The following CYP11B1 variants were observed in gnomAD, a reference collection of about 807,000 sequenced individuals.
The protein encoded by CYP11B1 is cytochrome P450 family 11 subfamily B member 1.
CYP11B1 carries 34 observed loss-of-function variants against 48.3 expected under a neutral mutation model. The ratio of observed to expected loss-of-function variants is 0.70; its 90% CI spans 0.54 to 0.94. The LOEUF (loss-of-function observed/expected upper bound fraction) is 0.94, where lower values mean the gene tolerates loss of function less well. CYP11B1 is among the 40% of genes least tolerant of loss of function. The pLI, the probability that CYP11B1 is intolerant of heterozygous loss-of-function variation, is 0.00. For synonymous variants in CYP11B1, 291 were observed against 262.5 expected, an observed-to-expected ratio of 1.11 and a Z score of -1.05; for missense variants, 688 against 657.4, an observed-to-expected ratio of 1.05 and a Z score of -0.51.
Position 142,875,024 on chromosome 8 carries a change from C to T in CYP11B1, c.1331G>A (p.Gly444Asp), listed in dbSNP as rs779103938. ...CCCAAGGCACTGGCGCATGCCAAAG[C>T]CAAAGGGCACGTGGTAGAAGTTCCT... Reference protein sequence around the residue: ...SGRNFYHVPFGFGMRQCLGRR... With the variant: ...SGRNFYHVPFDFGMRQCLGRR... Residue 444 changes from glycine (G) to aspartate (D), a missense_variant, in exon 8 of 9, where the codon GGC becomes GAC. Gly to Asp is a moderately conservative substitution (Grantham distance 94). Transcript: ENST00000292427. The T allele has an allele frequency of 5.0e-6, 8 of 1,614,128 alleles. No homozygotes were observed. Among genetic ancestry groups the T allele is most frequent in the Non-Finnish European group, 5.1e-6 (6 of 1,180,064 alleles).
rs1372319123 is a variant in CYP11B1 at position 142,879,492 on chromosome 8, G to A, written c.239+83C>T. The A allele has an allele frequency of 2.5e-6, 4 of 1,613,962 alleles. No individual in the cohort carries two copies. In the South Asian group the frequency reaches 4.4e-5, roughly 18 times the overall value. ...CAGAGTGCCGGGACCTGCTGGGAAT[G>A]GCAGTGCTGAGTGCCCGGCAGGGTC... is the stretch of plus-strand genomic sequence containing the variant. On this transcript the variant is annotated intron_variant, in intron 1 of 8. Transcript: ENST00000292427.
rs1816947719 is a variant in CYP11B1 at position 142,876,313 on chromosome 8, C to T, written c.882G>A (p.Leu294=). Reference sequence around the variant, plus strand: ...CATCTGGCGACAGTTCCGCATTCAACAGGAGCTCCGCCACGATGCTGGTGT... The same window carrying T: ...CATCTGGCGACAGTTCCGCATTCAATAGGAGCTCCGCCACGATGCTGGTGT... ...QQYTSIVAEL[L]LNAELSPDAI... is the part of the protein sequence containing the mutation. The change falls in exon 5 of 9, where the codon CTG becomes CTA. Residue 294 remains leucine, a synonymous_variant. Coordinates refer to ENST00000292427, the MANE Select transcript of CYP11B1 (RefSeq NM_000497.4). The T allele has an allele frequency of 6.2e-7, 1 of 1,614,144 alleles. No homozygotes were observed. The highest frequency in any genetic ancestry group is 8.5e-7 in the Non-Finnish European group (1 of 1,180,052).
chr8:142,879,379 G>A (rs200318572), intron 1 of CYP11B1, 192 bp from the exon 2 acceptor site: 33 of 1,610,030 alleles, frequency 2.0e-5, no homozygotes, highest in African/African-American at 1.3e-4. Flanking sequence ...TCTCTGCAGC[G>A]AGCTGGGATT....
In CYP11B1 at chr8:142,879,664, C is replaced by T. The variant is rs1313291305; in HGVS notation, c.150G>A (p.Leu50=). The T allele has an allele frequency of 1.2e-6, 2 of 1,614,240 alleles. No individual in the cohort carries two copies. The highest frequency in any genetic ancestry group is 1.3e-5 in the African/African-American group (1 of 75,068). Residue 50 remains leucine, a synonymous_variant, in exon 1 of 9, where the codon CTG becomes CTA. Coordinates refer to ENST00000292427, the MANE Select transcript of CYP11B1 (RefSeq NM_000497.4). ...AMPRRPGNRW[L]RLLQIWREQG... The stretch of plus-strand genomic sequence containing the variant: ...GCTCCCTCCAGATCTGCAGCAGCCT[C>T]AGCCACCTGTTGCCTGGACGCCGGG...
rs1031795640 is a variant in CYP11B1, at chr8:142,875,487, C to T, written c.1122-175G>A. The T allele has an allele frequency of 3.7e-5, 39 of 1,064,648 alleles. No homozygotes were observed. The African/African-American group carries it at 5.4e-4, about 15-fold the overall frequency. The allele number at this position is 1,064,648 out of a possible 1,614,324, so 66.0% of individuals were successfully genotyped here. On this transcript the variant is annotated intron_variant, in intron 6 of 8. Coordinates refer to ENST00000292427, the MANE Select transcript of CYP11B1 (RefSeq NM_000497.4). Reference sequence around the variant, plus strand: ...GCCAAACCTCCCCTAACTTAAGCAGCCCCGAGCGCAGAAGGACATGCTCCA... The same window carrying T: ...GCCAAACCTCCCCTAACTTAAGCAGTCCCGAGCGCAGAAGGACATGCTCCA...
At chr8:142,878,322 A>G (rs771052448) in intron 2 of CYP11B1, among the ~76,000 whole-genome samples, 2 of 152,112 alleles carry the variant, frequency 1.3e-5, no homozygotes, top group Non-Finnish European at 2.9e-5. Flanking sequence ...TCCTCCTGCC[A>G]TGGAGTGGGG....
rs61751134 is a variant in CYP11B1 at position 142,879,760 on chromosome 8, C to T, written c.54G>A (p.Leu18=). Residue 18 remains leucine (L), a synonymous_variant, in exon 1 of 9, where the codon CTG becomes CTA. Coordinates refer to ENST00000292427, the MANE Select transcript of CYP11B1 (RefSeq NM_000497.4). ...EVCMAVPWLS[L]QRAQALGTRA... is the part of the protein sequence containing the mutation. ...TCGTGCCCAGTGCCTGTGCCCTTTG[C>T]AGGGACAGCCAGGGCACTGCCATGC... The T allele has an allele frequency of 6.2e-7, 1 of 1,614,214 alleles. No individual in the cohort carries two copies. Among genetic ancestry groups the T allele is most frequent in the African/African-American group, 1.3e-5 (1 of 75,072 alleles).
intron 6 of CYP11B1, 199 bp from the exon 7 acceptor site, chr8:142,875,511 C>T (rs1272750691): frequency 2.9e-5 from 26 of 910,930 alleles, no homozygotes; most frequent in Non-Finnish European, 4.4e-5. Flanking sequence ...GGACATGCTC[C>T]ACGTTAATCC....
rs4310186 is a variant in CYP11B1, at chr8:142,874,831, G to C, written c.1398+126C>G. 729,130 of 1,223,270 alleles carry C rather than the reference G, an allele frequency of 0.6. 220,685 individuals are homozygous for C. The highest frequency in any genetic ancestry group is 0.84 in the East Asian group (33,232 of 39,516). 75.8% of individuals were successfully genotyped at this position (1,223,270 alleles called of 1,614,324 possible). ...ACCTGGCCCAGGTTCTCCCAGTACC[G>C]GCTCTGCCCAGTCCAGGAAACATGC... On this transcript the variant is annotated intron_variant, in intron 8 of 8. Transcript: ENST00000292427.
At chr8:142,876,131 GC>G in intron 5 of CYP11B1, 109 bp downstream of exon 5, 2 of 1,442,102 alleles carry the variant, frequency 1.4e-6, no homozygotes, top group Non-Finnish European at 1.9e-6. Context: ...GAAATGTGGG[GC>G]CCATAGCCTG....
chr8:142,876,458 C>G (rs1816954056), intron 4 of CYP11B1, 63 bp from the exon 5 acceptor site: 1 of 1,571,174 alleles, frequency 6.4e-7, no homozygotes, highest in African/African-American at 1.4e-5. Flanking sequence ...TCAGTGTCCT[C>G]CTCCTGCCCA....
chr8:142,879,341 T>C, intron 1 of CYP11B1, 154 bp from the exon 2 acceptor site: 1 of 1,606,792 alleles, frequency 6.2e-7, no homozygotes. Flanking sequence ...CCGGAACCTC[T>C]TAACTTCAGT....
rs754660381 is a variant in CYP11B1, at chr8:142,875,743, A to G, written c.1090T>C (p.Leu364=). Residue 364 remains leucine (L), a synonymous_variant, in exon 6 of 9, where the codon TTG becomes CTG. Transcript: ENST00000292427. ...HPQKATTELP[L]LRAALKETLR... ...GTCTCCTTGAGGGCCGCACGCAGCA[A>G]GGGCAGCTCGGTGGTTGCCTTCTGG... 42 of 1,613,936 alleles carry G rather than the reference A, an allele frequency of 2.6e-5. No individual in the cohort carries two copies. Among genetic ancestry groups the G allele is most frequent in the Non-Finnish European group, 7.6e-6 (9 of 1,180,006 alleles).
intron 2 of CYP11B1, among the ~76,000 whole-genome samples, chr8:142,878,611 G>A (rs1413008189): frequency 7.9e-5 from 12 of 152,192 alleles, no homozygotes; most frequent in Non-Finnish European, 1.6e-4. Flanking sequence ...GACCCTGAGC[G>A]CCCTGAGGGA....
Position 142,876,616 on chromosome 8 carries a change from G to A in CYP11B1, c.799+66C>T, listed in dbSNP as rs539790078. On this transcript the variant is annotated intron_variant, in intron 4 of 8. Transcript: ENST00000292427. ...GGCCTCCATTCCCCACTGGGTGGTG[G>A]AGAGGGAGAAATTGGGCCCCCATGG... 2.9e-4 allele frequency: 455 copies of A among 1,568,894 alleles called. 2 individuals are homozygous for A. The South Asian group carries it at 4.8e-3, about 16-fold the overall frequency.
chr8:142,874,612 T>A (rs1285312086), intron 8 of CYP11B1, 126 bp from the exon 9 acceptor site: 3 of 765,522 alleles, frequency 3.9e-6, no homozygotes, highest in Non-Finnish European at 7.0e-6. Flanking sequence ...CTCCAACCTG[T>A]TTCATTCCTG....
intron 2 of CYP11B1, among the ~76,000 whole-genome samples, 185 bp from the exon 3 acceptor site, chr8:142,877,407 A>G (rs1816995765): frequency 6.6e-6 from 1 of 152,192 alleles, no homozygotes; most frequent in Non-Finnish European, 1.5e-5. Context: ...GTGCTGGACA[A>G]AGGCCACTCA....
At chr8:142,878,329 G>A (rs935804407) in intron 2 of CYP11B1, among the ~76,000 whole-genome samples, 1 of 152,160 alleles carries the variant, frequency 6.6e-6, no homozygotes, top group Non-Finnish European at 1.5e-5. Flanking sequence ...GCCATGGAGT[G>A]GGGGCTGTCG....
rs1464224938 is a variant in CYP11B1 at position 142,876,354 on chromosome 8, TG to T, written c.840del (p.Phe280LeufsTer16). 6.2e-7 allele frequency: 1 copy of T among 1,614,060 alleles called. No homozygotes were observed. Among genetic ancestry groups the T allele is most frequent in the African/African-American group, 1.3e-5 (1 of 74,946 alleles). ...ATGCTGGTGTACTGTTGAGGGCGGC[TG>T]AAGGCCAGTTCCTGATAGATTTTCT... ...CIQKIYQELA[F>X]SRPQQYTSIV... On this transcript the variant is annotated frameshift_variant, in exon 5 of 9. Transcript: ENST00000292427. LOFTEE classifies it high-confidence loss of function.
Sources: allele counts gnomAD v4.1 joint callset (sites outside exome capture counted in the v4.1 genomes callset), GRCh38; gene constraint gnomAD v4.1.1; transcripts MANE v1.5; gene names NCBI Gene and HGNC (gene_info 2026-07-23, HGNC 2026-07-21).